LATS2: variants seen among roughly 807,000 people sequenced by gnomAD.
LATS2 encodes serine/threonine-protein kinase LATS2.
A neutral mutation model predicts 76.0 loss-of-function variants in LATS2; 24 were observed. The ratio of observed to expected loss-of-function variants is 0.32; its 90% confidence interval spans 0.23 to 0.44. The LOEUF is 0.44. LATS2 is among the 20% of genes least tolerant of loss of function. LATS2 has a pLI of 1.00. For missense variants in LATS2, 1,286 were observed against 1,481.2 expected (o/e 0.87, Z 2.16); for synonymous variants, 692 against 635.4 (o/e 1.09, Z -1.34).
rs1163671095 is a variant in LATS2, at chr13:21,014,845, C to G, written c.343-23441G>C. ...TTTCTCAAAACTCACAAATACCATG[C>G]AACCTTCTTTTTCCAGCTGGGATGA... is the stretch of plus-strand genomic sequence containing the variant. On this transcript the variant is annotated intron_variant, in intron 2 of 7. Coordinates refer to ENST00000382592, the MANE Select transcript of LATS2 (RefSeq NM_014572.3). Among the ~76,000 whole-genome samples, 3 of 152,234 alleles carry G rather than the reference C, an allele frequency of 2.0e-5. No individual in the cohort carries two copies. In the East Asian group the frequency reaches 5.8e-4, roughly 29 times the overall value.
chr13:20,977,065 A>T (rs1461402693), intron 7 of LATS2, among the ~76,000 whole-genome samples: 1 of 152,176 alleles, frequency 6.6e-6, no homozygotes, highest in Non-Finnish European at 1.5e-5. Context: ...GAAATAAACT[A>T]GACACAAAAA....
At chr13:21,057,151 A>C (rs1239100815) in intron 1 of LATS2, among the ~76,000 whole-genome samples, 1 of 152,216 alleles carries the variant, frequency 6.6e-6, no homozygotes, top group Non-Finnish European at 1.5e-5. Context: ...TCCAGCTTAC[A>C]TTCTTAAGAT....
At chr13:20,987,832 G>C in intron 4 of LATS2, 49 bp downstream of exon 4, 3 of 1,582,024 alleles carry the variant, frequency 1.9e-6, no homozygotes, top group Non-Finnish European at 2.6e-6. Context: ...CCTATTGCCA[G>C]TAGAGGGATG....
At chr13:21,048,281 C>A (rs1873141346) in intron 1 of LATS2, among the ~76,000 whole-genome samples, 1 of 152,198 alleles carries the variant, frequency 6.6e-6, no homozygotes. Flanking sequence ...CTCGGTATGT[C>A]TGGGAAGAGG....
chr13:21,018,486 T>A (rs1348190141), intron 2 of LATS2, among the ~76,000 whole-genome samples: 2 of 152,214 alleles, frequency 1.3e-5, no homozygotes, highest in Admixed American at 1.3e-4. Context: ...TCCAGCTGGG[T>A]CCACCTGGCC....
intron 2 of LATS2, among the ~76,000 whole-genome samples, chr13:20,995,983 C>T (rs985213279): frequency 7.9e-5 from 12 of 152,128 alleles, no homozygotes; most frequent in African/African-American, 2.9e-4. Context: ...CTCCTAAAAC[C>T]CTCAAGAAAG....
intron 2 of LATS2, among the ~76,000 whole-genome samples, chr13:21,025,342 A>G (rs1872268083): frequency 6.6e-6 from 1 of 150,846 alleles, no homozygotes; most frequent in African/African-American, 2.4e-5. Context: ...CAATGAGCCA[A>G]GATCATGCCA....
At chr13:21,023,757 T>C (rs1294665208) in intron 2 of LATS2, among the ~76,000 whole-genome samples, 2 of 147,840 alleles carry the variant, frequency 1.4e-5, no homozygotes, top group Middle Eastern at 3.6e-3. Flanking sequence ...GTGGATCACC[T>C]GAGGTCGGGA....
At chr13:20,999,863 C>A (rs868090972) in intron 2 of LATS2, among the ~76,000 whole-genome samples, 151 of 136,016 alleles carry the variant, frequency 1.1e-3, no homozygotes, top group Admixed American at 1.5e-3. Context: ...ACTAAACATA[C>A]AAAAAAAAAA....
intron 1 of LATS2, among the ~76,000 whole-genome samples, chr13:21,061,015 G>T (rs1311566290): frequency 3.3e-5 from 5 of 150,854 alleles, no homozygotes; most frequent in Non-Finnish European, 7.4e-5. Context: ...GATCCCGGCC[G>T]CCCCGGTCGC....
At chr13:21,044,485 T>C (rs994293710) in intron 2 of LATS2, among the ~76,000 whole-genome samples, 5 of 152,218 alleles carry the variant, frequency 3.3e-5, no homozygotes, top group Non-Finnish European at 7.3e-5. Context: ...AACTGTAATT[T>C]TTAAGATGAC....
intron 2 of LATS2, among the ~76,000 whole-genome samples, chr13:21,026,613 T>C (rs938002661): frequency 6.6e-6 from 1 of 152,194 alleles, no homozygotes; most frequent in Non-Finnish European, 1.5e-5. Flanking sequence ...TTCTCTTAAG[T>C]AGATATATAG....
chr13:20,995,079 G>A (rs964215732), intron 2 of LATS2, among the ~76,000 whole-genome samples: 44 of 152,070 alleles, frequency 2.9e-4, no homozygotes, highest in African/African-American at 9.6e-4. Context: ...TTGAGTGCCC[G>A]TTTCCTCATC....
intron 2 of LATS2, among the ~76,000 whole-genome samples, chr13:21,035,865 C>G (rs997570660): frequency 1.3e-5 from 2 of 152,166 alleles, no homozygotes; most frequent in Admixed American, 1.3e-4. Flanking sequence ...GTAAGTCATT[C>G]AGGGAGCAGA....
chr13:21,057,544 C>T (rs985893384), intron 1 of LATS2, among the ~76,000 whole-genome samples: 1 of 152,124 alleles, frequency 6.6e-6, no homozygotes, highest in African/African-American at 2.4e-5. Context: ...AGGCCGGGCG[C>T]GGTGGCTCAT....
At chr13:21,048,878 C>T (rs1326323587) in intron 1 of LATS2, among the ~76,000 whole-genome samples, 1 of 151,868 alleles carries the variant, frequency 6.6e-6, no homozygotes, top group Non-Finnish European at 1.5e-5. Flanking sequence ...ATAAAAAAAA[C>T]CTACTGAATC....
At chr13:20,981,166 T>C (rs1408994922) in intron 6 of LATS2, among the ~76,000 whole-genome samples, 1 of 151,650 alleles carries the variant, frequency 6.6e-6, no homozygotes, top group African/African-American at 2.4e-5. Flanking sequence ...GCCCTCAGAG[T>C]GGTTTCCATC....
At chr13:21,011,812 A>G (rs975756334) in intron 2 of LATS2, among the ~76,000 whole-genome samples, 1 of 152,252 alleles carries the variant, frequency 6.6e-6, no homozygotes, top group African/African-American at 2.4e-5. Flanking sequence ...AACATCATAG[A>G]GTGTACTTAC....
intron 3 of LATS2, among the ~76,000 whole-genome samples, chr13:20,989,506 A>C (rs760824668): frequency 7.2e-5 from 11 of 152,272 alleles, no homozygotes; most frequent in Non-Finnish European, 1.6e-4. Flanking sequence ...CTAATGTGTT[A>C]GCAGAGTGGA....
Sources: gnomAD v4.1 joint callset for allele counts (sites outside exome capture counted in the v4.1 genomes callset) on GRCh38, gnomAD v4.1.1 for gene constraint, MANE v1.5 for transcripts, NCBI Gene and HGNC (gene_info 2026-07-23, HGNC 2026-07-21) for gene names.